The following DAP variants were observed in gnomAD, a reference collection of about 807,000 sequenced individuals.
DAP encodes the protein death associated protein, also known as death-associated protein 1.
Under a neutral mutation model 13.8 loss-of-function variants are expected in DAP, and 8 were observed. The ratio of observed to expected loss-of-function variants is 0.58; its 90% CI spans 0.34 to 1.05. DAP has a LOEUF of 1.05. Among genes scored for constraint, DAP ranks in the 50% least tolerant of loss-of-function variants. The pLI, the probability that DAP is intolerant of heterozygous loss-of-function variation, is 0.03. For synonymous variants in DAP, 47 were observed against 47.5 expected, an observed-to-expected ratio of 0.99 and a Z score of 0.04; for missense variants, 106 against 133.2, an observed-to-expected ratio of 0.80 and a Z score of 1.01.
At chr5:10,681,853 A>G (rs555899643) in intron 3 of DAP, among the ~76,000 whole-genome samples, 59 of 151,654 alleles carry the variant, frequency 3.9e-4, no homozygotes, top group African/African-American at 1.2e-3. Flanking sequence ...GCGTTCCTAC[A>G]GGAAGCATGG....
chr5:10,717,762 G>A (rs571136200), intron 2 of DAP, among the ~76,000 whole-genome samples: 15 of 152,294 alleles, frequency 9.8e-5, no homozygotes, highest in South Asian at 8.3e-4. Flanking sequence ...GACAATGAAC[G>A]GCAGAGGCAA....
intron 2 of DAP, among the ~76,000 whole-genome samples, chr5:10,726,914 T>C (rs868176014): frequency 3.3e-5 from 5 of 152,076 alleles, no homozygotes; most frequent in African/African-American, 9.7e-5. Context: ...CTTATGCATG[T>C]AGTGGAATCA....
Position 10,701,016 on chromosome 5 carries a change from A to C in DAP, c.153-17445T>G, listed in dbSNP as rs559072932. 1.3e-5 allele frequency among the ~76,000 whole-genome samples: 2 copies of C among 152,356 alleles called. 1 individual carries two copies. Among genetic ancestry groups the C allele is most frequent in the South Asian group, 4.1e-4 (2 of 4,822 alleles). On this transcript the variant is annotated intron_variant, in intron 2 of 3. Coordinates refer to ENST00000230895, the MANE Select transcript of DAP (RefSeq NM_004394.3). ...TGCCTGTGTCTGTGCTGTTCCATGC[A>C]TCTGATGAACAAGCTGTCACCTTAG... is the stretch of plus-strand genomic sequence containing the variant.
At chr5:10,705,717 G>C (rs1227552141) in intron 2 of DAP, among the ~76,000 whole-genome samples, 1 of 152,176 alleles carries the variant, frequency 6.6e-6, no homozygotes, top group Non-Finnish European at 1.5e-5. Flanking sequence ...ATCTTTCATG[G>C]GGAGAGAAGC....
intron 1 of DAP, among the ~76,000 whole-genome samples, chr5:10,754,696 C>A (rs1165363339): frequency 1.3e-5 from 2 of 152,132 alleles, no homozygotes; most frequent in African/African-American, 4.8e-5. Context: ...TCCTTGAGTG[C>A]AGGGAGGCTG....
rs574849094 is a variant in DAP at position 10,726,240 on chromosome 5, C to A, written c.152+21935G>T. On this transcript the variant is annotated intron_variant, in intron 2 of 3. Transcript: ENST00000230895. ...GGCCAATTAGGAAGTTATCATTACT[C>A]ACCCACAGTGAAAGAATAAACTGTT... Among the ~76,000 whole-genome samples the A allele has an allele frequency of 2.6e-5, 4 of 152,366 alleles. No individual in the cohort carries two copies. In the East Asian group the frequency reaches 7.7e-4, roughly 29 times the overall value.
chr5:10,700,848 G>A (rs1440459140), intron 2 of DAP, among the ~76,000 whole-genome samples: 1 of 152,218 alleles, frequency 6.6e-6, no homozygotes, highest in Non-Finnish European at 1.5e-5. Context: ...CGTGCTATAG[G>A]TAAGATGGCC....
intron 2 of DAP, among the ~76,000 whole-genome samples, chr5:10,687,224 A>C (rs1286811789): frequency 6.6e-6 from 1 of 152,260 alleles, no homozygotes; most frequent in Admixed American, 6.5e-5. Context: ...CAAGTATACA[A>C]GGAGATTAAT....
At chr5:10,718,316 C>CCAGGGATTGA (rs1483762879) in intron 2 of DAP, among the ~76,000 whole-genome samples, 4 of 152,266 alleles carry the variant, frequency 2.6e-5, no homozygotes, top group Admixed American at 1.3e-4. Context: ...CTGGACTCAT[C>CCAGGGATTGA]CTGTGGTCAA....
At chr5:10,698,515 T>C (rs1004321668) in intron 2 of DAP, among the ~76,000 whole-genome samples, 3 of 152,042 alleles carry the variant, frequency 2.0e-5, no homozygotes, top group Non-Finnish European at 2.9e-5. Context: ...CCCCTAAAGT[T>C]TGGGTTTCGA....
chr5:10,680,636 T>G lies in DAP; in HGVS notation c.*420A>C. On this transcript the variant is annotated 3_prime_UTR_variant, in exon 4 of 4. Coordinates refer to ENST00000230895, the MANE Select transcript of DAP (RefSeq NM_004394.3). ...TTAGTTCTTACTCTCCCACAGGTGT[T>G]GAGATTTTATTGGCCCATACTAAAA... The G allele has an allele frequency of 1.5e-5, 17 of 1,150,176 alleles. No homozygotes were observed. Among genetic ancestry groups the G allele is most frequent in the Non-Finnish European group, 2.1e-5 (17 of 823,982 alleles). 71.2% of individuals were successfully genotyped at this position (1,150,176 alleles called of 1,614,324 possible). A position where few individuals can be genotyped will look rare whatever the true frequency, so the allele number is the denominator to read the frequency against.
At chr5:10,712,301 T>C (rs1482894074) in intron 2 of DAP, among the ~76,000 whole-genome samples, 5 of 150,952 alleles carry the variant, frequency 3.3e-5, no homozygotes, top group Non-Finnish European at 7.4e-5. Flanking sequence ...CCACCCAGTC[T>C]GTGGCACTTT....
At chr5:10,733,794 T>G (rs1206547725) in intron 2 of DAP, 1 of 152,256 alleles carries the variant, frequency 6.6e-6, no homozygotes, top group Non-Finnish European at 1.5e-5. Context: ...TAATTGACTA[T>G]TTTATCTTTA....
chr5:10,702,776 G>A (rs1302681097), intron 2 of DAP, among the ~76,000 whole-genome samples: 1 of 152,142 alleles, frequency 6.6e-6, no homozygotes, highest in African/African-American at 2.4e-5. Flanking sequence ...AACAACAGCT[G>A]GATGGCTTTG....
intron 2 of DAP, among the ~76,000 whole-genome samples, chr5:10,717,175 T>C (rs1471037870): frequency 1.3e-5 from 2 of 152,184 alleles, no homozygotes; most frequent in Non-Finnish European, 2.9e-5. Flanking sequence ...AAGAAAATGA[T>C]GAACTCAGGG....
At chr5:10,748,031 CCT>C in intron 2 of DAP, 142 bp downstream of exon 2, 2 of 600,670 alleles carry the variant, frequency 3.3e-6, no homozygotes, top group South Asian at 3.9e-5. Context: ...CCCCCTCCTC[CCT>C]GATTAGGAAG....
intron 2 of DAP, among the ~76,000 whole-genome samples, chr5:10,728,994 A>T (rs773938435): frequency 6.6e-6 from 1 of 152,230 alleles, no homozygotes; most frequent in Non-Finnish European, 1.5e-5. Flanking sequence ...AGGTTCAAAG[A>T]GTATCAACTT....
rs75474706 is a variant in DAP, at chr5:10,700,053, A to C, written c.153-16482T>G. Reference sequence around the variant, plus strand: ...CCTGGAGGGCACAACCTCGAGCATGAAGAGGGTAACCAGAATGGGGCCCTG... The same window carrying C: ...CCTGGAGGGCACAACCTCGAGCATGCAGAGGGTAACCAGAATGGGGCCCTG... On this transcript the variant is annotated intron_variant, in intron 2 of 3. Transcript: ENST00000230895. Among the ~76,000 whole-genome samples the C allele has an allele frequency of 6.0e-3, 916 of 152,336 alleles. 9 individuals carry two copies. Among genetic ancestry groups the C allele is most frequent in the Middle Eastern group, 0.017 (5 of 294 alleles).
chr5:10,756,357 C>T (rs1158220033), intron 1 of DAP, among the ~76,000 whole-genome samples: 1 of 151,186 alleles, frequency 6.6e-6, no homozygotes, highest in Non-Finnish European at 1.5e-5. Flanking sequence ...TAATAGAAGA[C>T]AAATTAGTCT....
Sources: allele counts gnomAD v4.1 joint callset (sites outside exome capture counted in the v4.1 genomes callset), GRCh38; gene constraint gnomAD v4.1.1; transcripts MANE v1.5; gene names NCBI Gene and HGNC (gene_info 2026-07-23, HGNC 2026-07-21).